Variants in DOP1B observed in about 807,000 individuals in gnomAD.
DOP1B encodes DOP1 leucine zipper like protein B, also known as protein DOP1B.
Under a neutral mutation model 233.5 loss-of-function variants are expected in DOP1B, and 174 were observed. The ratio of observed to expected loss-of-function variants is 0.75; its 90% CI spans 0.66 to 0.85. The LOEUF is 0.85. Ranked by LOEUF, DOP1B falls within the 40% of genes least tolerant of loss-of-function variation. DOP1B has a pLI of 0.00. For synonymous variants in DOP1B, 1,190 were observed against 1,185.6 expected (o/e 1.00, Z -0.08); for missense variants, 2,652 against 2,846.6 (o/e 0.93, Z 1.56).
At chr21:36,158,265 C>G (rs946231567) in intron 1 of DOP1B, among the ~76,000 whole-genome samples, 15 of 152,188 alleles carry the variant, frequency 9.9e-5, no homozygotes, top group African/African-American at 3.6e-4. Flanking sequence ...ACTCTTCAAT[C>G]TCTCACAGGA....
At chr21:36,257,583 A>T (rs1432992579) in intron 23 of DOP1B, among the ~76,000 whole-genome samples, 3 of 151,072 alleles carry the variant, frequency 2.0e-5, no homozygotes, top group Non-Finnish European at 4.4e-5. Flanking sequence ...ACATAGGTTG[A>T]TACGTAGATA....
intron 2 of DOP1B, among the ~76,000 whole-genome samples, chr21:36,185,658 A>T (rs1252028616): frequency 6.6e-6 from 1 of 152,244 alleles, no homozygotes; most frequent in Admixed American, 6.5e-5. Context: ...AGGCTGAGGA[A>T]GTGCTGTGCC....
intron 1 of DOP1B, among the ~76,000 whole-genome samples, chr21:36,162,505 G>T (rs1037211380): frequency 1.3e-5 from 2 of 151,984 alleles, no homozygotes; most frequent in East Asian, 3.9e-4. Flanking sequence ...TTTTAAAAGA[G>T]CACTAATCCC....
intron 31 of DOP1B, among the ~76,000 whole-genome samples, chr21:36,280,690 A>G (rs1002230602): frequency 6.6e-6 from 1 of 152,158 alleles, no homozygotes; most frequent in Non-Finnish European, 1.5e-5. Flanking sequence ...CTCATGCACT[A>G]TCATTAAGTA....
intron 2 of DOP1B, among the ~76,000 whole-genome samples, chr21:36,172,828 T>G (rs1363212256): frequency 6.6e-6 from 1 of 151,866 alleles, no homozygotes. Context: ...GAGTAAGAGT[T>G]GAGAGTTGGG....
intron 2 of DOP1B, among the ~76,000 whole-genome samples, chr21:36,181,790 C>T (rs1005255139): frequency 4.6e-5 from 7 of 151,572 alleles, no homozygotes; most frequent in East Asian, 1.9e-4. Flanking sequence ...AGAAGGGAGC[C>T]GTGATTTGGG....
chr21:36,253,651 A>AAG (rs2067056947), intron 22 of DOP1B, 121 bp from the exon 23 acceptor site: 2 of 1,186,600 alleles, frequency 1.7e-6, no homozygotes, highest in Non-Finnish European at 1.1e-6. Context: ...AAAAAAAAAA[A>AAG]AGAGATGAAA....
In DOP1B at chr21:36,289,113, T is replaced by A; in HGVS notation, c.6422T>A (p.Ile2141Lys). The A allele has an allele frequency of 1.2e-6, 2 of 1,614,090 alleles. No homozygotes were observed. The highest frequency in any genetic ancestry group is 1.7e-6 in the Non-Finnish European group (2 of 1,179,962). Residue 2141 changes from isoleucine to lysine, a missense_variant, in exon 35 of 37, where the codon ATA becomes AAA. Transcript: ENST00000691173. ...GCAAATGGACCCTCAGTGGGGGAGA[T>A]ACCCCAGAGTGAACTCATCTTGTAT... is the stretch of plus-strand genomic sequence containing the variant. ...PDANGPSVGE[I>K]PQSELILYLS...
chr21:36,187,380 C>T (rs940527175), intron 2 of DOP1B, among the ~76,000 whole-genome samples: 6 of 149,666 alleles, frequency 4.0e-5, no homozygotes, highest in Admixed American at 1.3e-4. Flanking sequence ...CTGCAACCTC[C>T]GCCTCCCAGG....
chr21:36,226,652 G>A (rs2066686364), intron 12 of DOP1B, among the ~76,000 whole-genome samples: 1 of 151,958 alleles, frequency 6.6e-6, no homozygotes, highest in Non-Finnish European at 1.5e-5. Flanking sequence ...GGAGTGCAGT[G>A]GCATGATCTC....
chr21:36,255,936 A>G (rs1457604159), intron 23 of DOP1B, among the ~76,000 whole-genome samples: 1 of 152,310 alleles, frequency 6.6e-6, no homozygotes, highest in Admixed American at 6.5e-5. Context: ...AGCTTCTTCA[A>G]TTATACACGG....
intron 4 of DOP1B, among the ~76,000 whole-genome samples, chr21:36,208,072 C>A (rs948482390): frequency 6.6e-6 from 1 of 152,160 alleles, no homozygotes; most frequent in Non-Finnish European, 1.5e-5. Context: ...GAACAAATGC[C>A]CGGCCTCAGC....
intron 4 of DOP1B, among the ~76,000 whole-genome samples, chr21:36,203,665 C>A (rs561509974): frequency 7.9e-5 from 12 of 151,888 alleles, no homozygotes; most frequent in Non-Finnish European, 1.6e-4. Flanking sequence ...ATGATGAGCA[C>A]GTGGGTAGAA....
intron 9 of DOP1B, among the ~76,000 whole-genome samples, chr21:36,218,448 G>A (rs1237818653): frequency 7.2e-5 from 11 of 152,192 alleles, no homozygotes; most frequent in African/African-American, 2.6e-4. Context: ...GCTTGAACCC[G>A]GGAGGCGGAG....
chr21:36,201,972 G>T (rs573353165), intron 4 of DOP1B, among the ~76,000 whole-genome samples: 40 of 152,078 alleles, frequency 2.6e-4, no homozygotes, highest in African/African-American at 9.6e-4. Flanking sequence ...ATCACTTGAG[G>T]TCAGGAGTTC....
At chr21:36,183,098 C>T (rs113856867) in intron 2 of DOP1B, among the ~76,000 whole-genome samples, 4,469 of 152,218 alleles carry the variant, frequency 0.029, 214 homozygotes, top group African/African-American at 0.1. Context: ...CAGATGCAGT[C>T]ATAGCTCACT....
chr21:36,282,935 C>T (rs535787467), intron 32 of DOP1B, among the ~76,000 whole-genome samples: 1 of 151,772 alleles, frequency 6.6e-6, no homozygotes, highest in African/African-American at 2.4e-5. Flanking sequence ...CCACTGCACT[C>T]CAGCCTGGGT....
rs148652238 is a variant in DOP1B, at chr21:36,199,192, C to T, written c.261C>T (p.Tyr87=). 4.8e-5 allele frequency: 77 copies of T among 1,614,116 alleles called. 1 individual carries two copies. The African/African-American group carries it at 7.7e-4, about 16-fold the overall frequency. The part of the protein sequence containing the change: ...SGVHLKALET[Y]EIIFKIVGTK... ...TCCACTTAAAAGCTCTGGAAACCTACGAGATTATCTTTAAAATCGTGGGGA... is the reference window on the plus strand; with the variant it reads ...TCCACTTAAAAGCTCTGGAAACCTATGAGATTATCTTTAAAATCGTGGGGA... The change falls in exon 3 of 37, where the codon TAC becomes TAT. Residue 87 remains tyrosine, a synonymous_variant. Coordinates refer to ENST00000691173, the MANE Select transcript of DOP1B (RefSeq NM_001320714.2).
rs1248596573 is a variant in DOP1B at position 36,177,361 on chromosome 21, T to TA, written c.138+12491dup. Among the ~76,000 whole-genome samples, 14 of 152,362 alleles carry TA rather than the reference T, an allele frequency of 9.2e-5. No individual in the cohort carries two copies. The East Asian group carries it at 2.7e-3, about 29-fold the overall frequency. ...TTTCTCTTTGCTGAAAAGAGTCTGATATGCTTTTCGATAATTTGTAGCCAG... is the reference window on the plus strand; with the variant it reads ...TTTCTCTTTGCTGAAAAGAGTCTGATAATGCTTTTCGATAATTTGTAGCCAG... On this transcript the variant is annotated intron_variant, in intron 2 of 36. Transcript: ENST00000691173.
Sources: allele counts gnomAD v4.1 joint callset (sites outside exome capture counted in the v4.1 genomes callset), GRCh38; gene constraint gnomAD v4.1.1; transcripts MANE v1.5; gene names NCBI Gene and HGNC (gene_info 2026-07-23, HGNC 2026-07-21).